Variants in DACH2 observed in about 807,000 individuals in gnomAD.
DACH2 encodes the protein dachshund homolog 2.
A neutral mutation model predicts 35.8 loss-of-function variants in DACH2; 17 were observed. The observed-to-expected ratio is 0.48, with a 90% CI of 0.33 to 0.71. The LOEUF is 0.71. DACH2 is among the 30% of genes least tolerant of loss of function. DACH2 has a pLI of 0.02. For missense variants in DACH2, 469 were observed against 472.7 expected (o/e 0.99, Z 0.07); for synonymous variants, 195 against 177.3 (o/e 1.10, Z -0.79).
intron 4 of DACH2, among the ~76,000 whole-genome samples, chrX:86,675,947 C>T (rs943570192): frequency 7.2e-5 from 8 of 111,171 alleles, no homozygotes; most frequent in East Asian, 5.7e-4. Context: ...AAATAATTTC[C>T]GATAAAAATA....
chrX:86,296,728 A>G (rs1163421440), intron 1 of DACH2, among the ~76,000 whole-genome samples: 2 of 111,354 alleles, frequency 1.8e-5, no homozygotes, highest in East Asian at 5.7e-4. Context: ...TTTCACAAAA[A>G]TATTTGGTAA....
At chrX:86,482,235 A>G (rs2037947987) in intron 2 of DACH2, among the ~76,000 whole-genome samples, 1 of 112,387 alleles carries the variant, frequency 8.9e-6, no homozygotes, top group Non-Finnish European at 1.9e-5. Context: ...TTGTATTCAT[A>G]AATTATAACA....
At chrX:86,428,100 T>G (rs2148166468) in intron 2 of DACH2, among the ~76,000 whole-genome samples, 1 of 111,902 alleles carries the variant, frequency 8.9e-6, no homozygotes, top group African/African-American at 3.2e-5. Context: ...TTATACTAAC[T>G]AAAGTAGATT....
chrX:86,345,278 T>C (rs1452513106), intron 1 of DACH2: 1 of 143,402 alleles, frequency 7.0e-6, no homozygotes, highest in Non-Finnish European at 1.4e-5. Flanking sequence ...GCCTTCTTTT[T>C]CATGGCCAAT....
intron 1 of DACH2, among the ~76,000 whole-genome samples, chrX:86,275,138 G>A (rs996664742): frequency 8.9e-6 from 1 of 111,940 alleles, no homozygotes; most frequent in Non-Finnish European, 1.9e-5. Context: ...AGAATGTATT[G>A]CAACAGCTGC....
At chrX:86,288,124 A>T (rs1351260917) in intron 1 of DACH2, among the ~76,000 whole-genome samples, 1 of 111,982 alleles carries the variant, frequency 8.9e-6, no homozygotes, top group Admixed American at 9.4e-5. Context: ...TAGCTCTGTG[A>T]CTCTTGCAGA....
intron 4 of DACH2, among the ~76,000 whole-genome samples, chrX:86,687,566 C>T (rs1324852473): frequency 3.6e-5 from 4 of 111,738 alleles, no homozygotes; most frequent in African/African-American, 1.3e-4. Context: ...GATTATAAAA[C>T]ATTCTATGAT....
At chrX:86,471,455 C>A (rs985626845) in intron 2 of DACH2, among the ~76,000 whole-genome samples, 3 of 111,221 alleles carry the variant, frequency 2.7e-5, no homozygotes, top group African/African-American at 9.8e-5. Context: ...GCTTTTTCAC[C>A]TAGGAAATAG....
chrX:86,436,956 T>G (rs1201758701), intron 2 of DACH2, among the ~76,000 whole-genome samples: 2 of 111,436 alleles, frequency 1.8e-5, no homozygotes, highest in Non-Finnish European at 3.8e-5. Flanking sequence ...ATTCATATAC[T>G]ATCCTTATAT....
At chrX:86,596,349 T>A in intron 3 of DACH2, among the ~76,000 whole-genome samples, 1 of 111,642 alleles carries the variant, frequency 9.0e-6, no homozygotes, top group Non-Finnish European at 1.9e-5. Flanking sequence ...TTACCAGCAA[T>A]GTATATGAAT....
chrX:86,301,916 CCT>C (rs2034583511), intron 1 of DACH2, among the ~76,000 whole-genome samples: 1 of 111,169 alleles, frequency 9.0e-6, no homozygotes, highest in South Asian at 3.7e-4. Context: ...ATTCTTCCCA[CCT>C]CTTTCTCTTC....
intron 7 of DACH2, chrX:86,798,807 A>G: frequency 7.5e-6 from 1 of 132,655 alleles, no homozygotes; most frequent in Non-Finnish European, 1.5e-5. Flanking sequence ...CCTCTTCTAC[A>G]GGACATCCAA....
At chrX:86,634,047 C>A (rs1364497880) in intron 3 of DACH2, among the ~76,000 whole-genome samples, 2 of 111,349 alleles carry the variant, frequency 1.8e-5, no homozygotes, top group African/African-American at 6.5e-5. Context: ...AGGAAACTTA[C>A]AATCATGGTG....
At chrX:86,755,431 C>T (rs1280988737) in intron 7 of DACH2, among the ~76,000 whole-genome samples, 1 of 110,102 alleles carries the variant, frequency 9.1e-6, no homozygotes, top group Non-Finnish European at 1.9e-5. Context: ...TTAGTAGAGT[C>T]CTATTTGTCT....
intron 3 of DACH2, among the ~76,000 whole-genome samples, chrX:86,602,862 G>GTTTTTTCA (rs1355383127): frequency 9.0e-6 from 1 of 111,319 alleles, no homozygotes; most frequent in Non-Finnish European, 1.9e-5. Context: ...TAAAGATGTT[G>GTTTTTTCA]TTTTTTCATA....
intron 1 of DACH2, among the ~76,000 whole-genome samples, chrX:86,183,326 C>G (rs1369808355): frequency 2.7e-5 from 3 of 111,734 alleles, no homozygotes; most frequent in Non-Finnish European, 5.6e-5. Context: ...TCATAAATAG[C>G]TCTTATTATT....
At chrX:86,609,034 G>A (rs1205619481) in intron 3 of DACH2, among the ~76,000 whole-genome samples, 1 of 111,561 alleles carries the variant, frequency 9.0e-6, no homozygotes, top group East Asian at 2.8e-4. Context: ...GAAGTTCTCT[G>A]TTATTGTCCC....
Position 86,647,598 on chromosome X carries a change from ACT to A in DACH2, c.641-3437_641-3436del, listed in dbSNP as rs780382808. 7.3e-4 allele frequency among the ~76,000 whole-genome samples: 81 copies of A among 111,110 alleles called. 2 individuals carry two copies. Among genetic ancestry groups the A allele is most frequent in the East Asian group, 3.9e-3 (14 of 3,550 alleles). ...CAAGATGAATAAGTCCTAGAGATCT[ACT>A]GTACAGCATAGTGTCTATAGTTAAC... On this transcript the variant is annotated intron_variant, in intron 3 of 11. Transcript: ENST00000373125.
intron 3 of DACH2, among the ~76,000 whole-genome samples, chrX:86,600,358 T>C (rs1182804899): frequency 2.7e-5 from 3 of 112,435 alleles, no homozygotes; most frequent in African/African-American, 9.7e-5. Flanking sequence ...GGTCTAATAA[T>C]TTTGAACTAT....
Sources: allele counts gnomAD v4.1 joint callset (sites outside exome capture counted in the v4.1 genomes callset), GRCh38; gene constraint gnomAD v4.1.1; transcripts MANE v1.5; gene names NCBI Gene and HGNC (gene_info 2026-07-23, HGNC 2026-07-21).